HPRT1: variants seen among roughly 807,000 people sequenced by gnomAD.
HPRT1 encodes the protein hypoxanthine phosphoribosyltransferase 1, also known as hypoxanthine-guanine phosphoribosyltransferase.
Under a neutral mutation model 19.0 loss-of-function variants are expected in HPRT1, and 4 were observed. That is an observed-to-expected ratio of 0.21 (90% CI 0.10 to 0.48). HPRT1 has a LOEUF of 0.48. Among genes scored for constraint, HPRT1 ranks in the 20% least tolerant of loss-of-function variants. The probability of loss-of-function intolerance (pLI) is 0.98; values close to 1 mark genes in which losing one functional copy is unlikely to be tolerated. For missense variants in HPRT1, 65 were observed against 164.0 expected (o/e 0.40, Z 3.30); for synonymous variants, 53 against 54.9 (o/e 0.97, Z 0.15).
At chrX:134,473,253 C>T (rs1032384648) in intron 1 of HPRT1, 106 bp from the exon 2 acceptor site, 19 of 543,089 alleles carry the variant, frequency 3.5e-5, no homozygotes, top group Middle Eastern at 5.0e-4. Flanking sequence ...TATCATCTTA[C>T]ACCTAAATTT....
chrX:134,472,588 C>T (rs186029641), intron 1 of HPRT1, among the ~76,000 whole-genome samples: 66 of 111,446 alleles, frequency 5.9e-4, no homozygotes, highest in Admixed American at 2.2e-3. Context: ...TTTTTAAAGA[C>T]GAAATCTCGC....
At chrX:134,480,402 C>CA (rs1327658744) in intron 3 of HPRT1, among the ~76,000 whole-genome samples, 1 of 109,911 alleles carries the variant, frequency 9.1e-6, no homozygotes, top group African/African-American at 3.3e-5. Context: ...GATTTTCCCT[C>CA]AGTTGCAGTC....
At chrX:134,491,029 A>C in intron 5 of HPRT1, among the ~76,000 whole-genome samples, 1 of 103,384 alleles carries the variant, frequency 9.7e-6, no homozygotes. Flanking sequence ...TATATCACTT[A>C]TCACTGTCTA....
chrX:134,491,947 G>GTA (rs1216802017), intron 5 of HPRT1, among the ~76,000 whole-genome samples: 132 of 91,934 alleles, frequency 1.4e-3, no homozygotes, highest in African/African-American at 3.8e-3. Flanking sequence ...GTGTGTGTGT[G>GTA]TATATATATA....
chrX:134,476,316 A>G (rs6638243), intron 3 of HPRT1, among the ~76,000 whole-genome samples: 11,486 of 112,033 alleles, frequency 0.1, 482 homozygotes, highest in East Asian at 0.21. Context: ...AAGTATTATT[A>G]TAGACATTTT....
chrX:134,464,980 G>A (rs765163063), intron 1 of HPRT1, among the ~76,000 whole-genome samples: 3 of 109,101 alleles, frequency 2.7e-5, no homozygotes, highest in African/African-American at 1.0e-4. Context: ...TAGTGCAATG[G>A]TGCAATCTCA....
At chrX:134,499,352 G>C (rs1346852455) in intron 8 of HPRT1, among the ~76,000 whole-genome samples, 1 of 110,807 alleles carries the variant, frequency 9.0e-6, no homozygotes, top group African/African-American at 3.3e-5. Flanking sequence ...AGTGGTGTGT[G>C]CCTGTAACCC....
At chrX:134,481,790 G>T (rs1464592932) in intron 3 of HPRT1, among the ~76,000 whole-genome samples, 1 of 111,286 alleles carries the variant, frequency 9.0e-6, no homozygotes, top group Non-Finnish European at 1.9e-5. Context: ...GAACATGAAG[G>T]TGTAGTAGTC....
At chrX:134,489,019 T>G (rs140402938) in intron 4 of HPRT1, among the ~76,000 whole-genome samples, 173 of 112,151 alleles carry the variant, frequency 1.5e-3, no homozygotes, top group African/African-American at 5.3e-3. Flanking sequence ...TATGAATTGC[T>G]TGCCACAAGT....
At position 134,476,463 on chromosome X, in the gene HPRT1, GTGAT is replaced by G. The variant is rs17882974; in HGVS notation, c.318+1124_318+1127del. On this transcript the variant is annotated intron_variant, in intron 3 of 8. Transcript: ENST00000298556. ...AAATTTAGACTTTTACTCAACAAAA[GTGAT>G]TGATTGATTGATTGATTGATTGATG... Among the ~76,000 whole-genome samples, 838 of 112,144 alleles carry G rather than the reference GTGAT, an allele frequency of 7.5e-3. 6 individuals carry two copies. The highest frequency in any genetic ancestry group is 0.023 in the Middle Eastern group (5 of 218).
At chrX:134,479,599 GTTTTGTTTTTGT>G (rs373247002) in intron 3 of HPRT1, among the ~76,000 whole-genome samples, 17 of 109,562 alleles carry the variant, frequency 1.6e-4, no homozygotes, top group African/African-American at 5.0e-4. Flanking sequence ...TGTTGTTGTT[GTTTTGTTTTTGT>G]TTTTGTTTTT....
At chrX:134,493,464 G>A in intron 5 of HPRT1, 44 bp from the exon 6 acceptor site, 1 of 930,491 alleles carries the variant, frequency 1.1e-6, no homozygotes, top group South Asian at 1.9e-5. Flanking sequence ...ACTTTATATT[G>A]TGACTCTGAA....
chrX:134,497,515 T>C (rs1374166752), intron 6 of HPRT1, among the ~76,000 whole-genome samples: 1 of 110,278 alleles, frequency 9.1e-6, no homozygotes, highest in Non-Finnish European at 1.9e-5. Flanking sequence ...ATGCCTGTAG[T>C]CCCAGCTACT....
chrX:134,486,830 A>C (rs937833508), intron 4 of HPRT1, among the ~76,000 whole-genome samples: 4 of 109,141 alleles, frequency 3.7e-5, no homozygotes, highest in African/African-American at 1.0e-4. Flanking sequence ...AAAAAAAAAA[A>C]AAAACAAACC....
In HPRT1 at chrX:134,473,955, T is replaced by C. The variant is rs143613617; in HGVS notation, c.134+490T>C. ...TTTGTGTTATAAAATATTCTAACTA[T>C]GGAGGCCATAAACAAGAAGACTAAA... is the stretch of plus-strand genomic sequence containing the variant. On this transcript the variant is annotated intron_variant, in intron 2 of 8. Coordinates refer to ENST00000298556, the MANE Select transcript of HPRT1 (RefSeq NM_000194.3). Among the ~76,000 whole-genome samples, 73 of 112,433 alleles carry C rather than the reference T, an allele frequency of 6.5e-4. No homozygotes were observed. In the East Asian group the frequency reaches 0.016, roughly 25 times the overall value.
In HPRT1 at chrX:134,498,449, C is replaced by CT; in HGVS notation, c.532+20dup. On this transcript the variant is annotated intron_variant, in intron 7 of 8. Transcript: ENST00000298556. ...TATAAGCCAGACTGTAAGTGAATTACTTTTTTTGTCAATCATTTAACCATC... is the reference window on the plus strand; with the variant it reads ...TATAAGCCAGACTGTAAGTGAATTACTTTTTTTTGTCAATCATTTAACCATC... 1 of 1,182,291 alleles carries CT rather than the reference C, an allele frequency of 8.5e-7. No individual in the cohort carries two copies. Among genetic ancestry groups the CT allele is most frequent in the South Asian group, 1.8e-5 (1 of 56,293 alleles).
intron 5 of HPRT1, among the ~76,000 whole-genome samples, chrX:134,492,889 C>T (rs1223253237): frequency 9.0e-6 from 1 of 111,326 alleles, no homozygotes; most frequent in African/African-American, 3.3e-5. Flanking sequence ...TACCACAGCC[C>T]AGAAATCTGC....
chrX:134,477,064 TTTA>T (rs1438344250), intron 3 of HPRT1, among the ~76,000 whole-genome samples: 14 of 104,014 alleles, frequency 1.3e-4, no homozygotes, highest in African/African-American at 3.5e-4. Context: ...ATTTTATTTA[TTTA>T]TTTTTTTTTT....
chrX:134,497,942 G>A lies in HPRT1; in HGVS notation c.486-448G>A, dbSNP rs777957843. Among the ~76,000 whole-genome samples, 3 of 106,854 alleles carry A rather than the reference G, an allele frequency of 2.8e-5. No homozygotes were observed. In the East Asian group the frequency reaches 8.7e-4, roughly 31 times the overall value. The allele number at this position is 106,854 out of a possible 115,157, so 92.8% of individuals were successfully genotyped here. A position where few individuals can be genotyped will look rare whatever the true frequency, so the allele number is the denominator to read the frequency against. On this transcript the variant is annotated intron_variant, in intron 6 of 8. Coordinates refer to ENST00000298556, the MANE Select transcript of HPRT1 (RefSeq NM_000194.3). Reference sequence around the variant, plus strand: ...AGCCTGGGCAACAGAGCGAGATTCCGTCTAAAAAAAAAAAAAAAGAATGTT... The same window carrying A: ...AGCCTGGGCAACAGAGCGAGATTCCATCTAAAAAAAAAAAAAAAGAATGTT...
Sources: gnomAD v4.1 joint callset for allele counts (sites outside exome capture counted in the v4.1 genomes callset) on GRCh38, gnomAD v4.1.1 for gene constraint, MANE v1.5 for transcripts, NCBI Gene and HGNC (gene_info 2026-07-23, HGNC 2026-07-21) for gene names.